Variants in KCNQ1 observed in about 807,000 individuals in gnomAD.
The protein encoded by KCNQ1 is potassium voltage-gated channel subfamily KQT member 1.
In KCNQ1, 49 loss-of-function variants were observed where a neutral mutation model predicts 72.4. That is an observed-to-expected ratio of 0.68 (90% confidence interval 0.54 to 0.86). KCNQ1 has a LOEUF of 0.86. Among genes scored for constraint, KCNQ1 ranks in the 40% least tolerant of loss-of-function variants. KCNQ1 has a pLI of 0.00. For synonymous variants in KCNQ1, 450 were observed against 412.6 expected, an observed-to-expected ratio of 1.09 and a Z score of -1.10; for missense variants, 790 against 945.1, an observed-to-expected ratio of 0.84 and a Z score of 2.15.
intron 11 of KCNQ1, among the ~76,000 whole-genome samples, chr11:2,709,210 C>T (rs1469559270): frequency 6.9e-6 from 1 of 145,628 alleles, no homozygotes; most frequent in Non-Finnish European, 1.5e-5. Flanking sequence ...CTCTCCTGCA[C>T]GGCTTCCAGG....
chr11:2,492,291 C>T lies in KCNQ1; in HGVS notation c.387-35637C>T, dbSNP rs546426265. 2.0e-5 allele frequency among the ~76,000 whole-genome samples: 3 copies of T among 152,138 alleles called. No homozygotes were observed. The highest frequency in any genetic ancestry group is 1.3e-4 in the Admixed American group (2 of 15,292). On this transcript the variant is annotated intron_variant, in intron 1 of 15. Transcript: ENST00000155840. The surrounding 1 kb of genome is among the most constrained non-coding windows in gnomAD (Gnocchi z 4.1). ...AACTTTTGCGGTACAATAGGCAGTA[C>T]AATAAGATATAGAGACAAAAAAACT...
At chr11:2,532,580 G>A (rs968569608) in intron 2 of KCNQ1, among the ~76,000 whole-genome samples, 1 of 152,182 alleles carries the variant, frequency 6.6e-6, no homozygotes, top group East Asian at 1.9e-4. Context: ...CATCAGGGCC[G>A]AGACTGAGGC....
chr11:2,733,526 T>C (rs1397587185), intron 11 of KCNQ1, among the ~76,000 whole-genome samples: 3 of 151,860 alleles, frequency 2.0e-5, no homozygotes, highest in Non-Finnish European at 4.4e-5. Context: ...GTTGCAAAGA[T>C]ACAGGTAGAG....
chr11:2,640,141 C>G (rs572343708), intron 10 of KCNQ1: 1 of 349,860 alleles, frequency 2.9e-6, no homozygotes, highest in East Asian at 4.2e-5. Context: ...AATTCCCTGA[C>G]CCCTTGTGCT....
Position 2,457,826 on chromosome 11 carries a change from A to C in KCNQ1, c.386+12342A>C, listed in dbSNP as rs185948017. 1.9e-3 allele frequency among the ~76,000 whole-genome samples: 292 copies of C among 152,212 alleles called. 2 individuals are homozygous for C. Among genetic ancestry groups the C allele is most frequent in the African/African-American group, 6.4e-3 (266 of 41,516 alleles). Reference sequence around the variant, plus strand: ...TTTTGGCATGGGAGAAAAAAAAAAAAAACAGATGTAAGTTAGAAGAGGTTA... The same window carrying C: ...TTTTGGCATGGGAGAAAAAAAAAAACAACAGATGTAAGTTAGAAGAGGTTA... On this transcript the variant is annotated intron_variant, in intron 1 of 15. Coordinates refer to ENST00000155840, the MANE Select transcript of KCNQ1 (RefSeq NM_000218.3). The surrounding 1 kb of genome is among the most constrained non-coding windows in gnomAD (Gnocchi z 5.0).
rs942860198 is a variant in KCNQ1, at chr11:2,549,250, G to A, written c.477+21232G>A. On this transcript the variant is annotated intron_variant, in intron 2 of 15. Transcript: ENST00000155840. This position sits in a 1 kb window ranked among gnomAD's most constrained non-coding sequence, Gnocchi z 6.2. ...CAGCATCCAGCCAGTGCCACCAGGA[G>A]CCCACTGGTGCCAGGATGCTGGGGT... is the stretch of plus-strand genomic sequence containing the variant. Among the ~76,000 whole-genome samples, 20 of 152,188 alleles carry A rather than the reference G, an allele frequency of 1.3e-4. No homozygotes were observed. The highest frequency in any genetic ancestry group is 4.6e-4 in the African/African-American group (19 of 41,450).
rs1846100704 is a variant in KCNQ1, at chr11:2,450,006, G to A, written c.386+4522G>A. Among the ~76,000 whole-genome samples, 1 of 152,198 alleles carries A rather than the reference G, an allele frequency of 6.6e-6. No individual in the cohort carries two copies. The highest frequency in any genetic ancestry group is 1.5e-5 in the Non-Finnish European group (1 of 68,020). On this transcript the variant is annotated intron_variant, in intron 1 of 15. Transcript: ENST00000155840. This position sits in a 1 kb window ranked among gnomAD's most constrained non-coding sequence, Gnocchi z 7.9. ...GATGGGAATGCCACCGGTCCCTGTA[G>A]CCAAGGTGCAGATGCACACGTCCTG...
At chr11:2,709,874 T>G (rs1850976567) in intron 11 of KCNQ1, among the ~76,000 whole-genome samples, 2 of 152,228 alleles carry the variant, frequency 1.3e-5, no homozygotes, top group South Asian at 4.1e-4. Flanking sequence ...CACATTTTAT[T>G]TATCCATTCA....
rs745706918 is a variant in KCNQ1 at position 2,745,325 on chromosome 11, C to T, written c.1515-23519C>T. Among the ~76,000 whole-genome samples the T allele has an allele frequency of 2.6e-5, 4 of 152,122 alleles. No homozygotes were observed. The highest frequency in any genetic ancestry group is 9.7e-5 in the African/African-American group (4 of 41,414). On this transcript the variant is annotated intron_variant, in intron 11 of 15. Transcript: ENST00000155840. The surrounding 1 kb of genome is among the most constrained non-coding windows in gnomAD (Gnocchi z 6.2). ...TCAGGCCCTCTTGGACCTCTGTTGCCATCTTTTCCTGAAAGGGCTGGTGGG... is the reference window on the plus strand; with the variant it reads ...TCAGGCCCTCTTGGACCTCTGTTGCTATCTTTTCCTGAAAGGGCTGGTGGG...
rs532036789 is a variant in KCNQ1 at position 2,746,953 on chromosome 11, G to A, written c.1515-21891G>A. On this transcript the variant is annotated intron_variant, in intron 11 of 15. Coordinates refer to ENST00000155840, the MANE Select transcript of KCNQ1 (RefSeq NM_000218.3). The surrounding 1 kb of genome is among the most constrained non-coding windows in gnomAD (Gnocchi z 5.9). ...ATCAAAGCCATGGCCCCCATTCCCC[G>A]GGGATAGGGAAGCTGTGCAGGCAGC... Among the ~76,000 whole-genome samples, 6 of 152,162 alleles carry A rather than the reference G, an allele frequency of 3.9e-5. No individual in the cohort carries two copies. Among genetic ancestry groups the A allele is most frequent in the Non-Finnish European group, 8.8e-5 (6 of 68,036 alleles).
At chr11:2,675,640 T>C (rs542200399) in intron 11 of KCNQ1, 59 of 398,650 alleles carry the variant, frequency 1.5e-4, no homozygotes, top group African/African-American at 3.7e-4. Context: ...TAGAGGGTGG[T>C]TGGGCTCTCT....
In KCNQ1 at chr11:2,547,563, A is replaced by G. The variant is rs577953817; in HGVS notation, c.477+19545A>G. 5.3e-5 allele frequency among the ~76,000 whole-genome samples: 8 copies of G among 152,262 alleles called. No individual in the cohort carries two copies. Among genetic ancestry groups the G allele is most frequent in the Non-Finnish European group, 7.3e-5 (5 of 68,028 alleles). ...TTTTTGTCCTAATAGTTACCTTTAT[A>G]CATATGCCTTTCAAAGTTTCCTTGG... On this transcript the variant is annotated intron_variant, in intron 2 of 15. Coordinates refer to ENST00000155840, the MANE Select transcript of KCNQ1 (RefSeq NM_000218.3). This position sits in a 1 kb window ranked among gnomAD's most constrained non-coding sequence, Gnocchi z 4.2.
chr11:2,518,499 C>T (rs1320816671), intron 1 of KCNQ1, among the ~76,000 whole-genome samples: 5 of 152,142 alleles, frequency 3.3e-5, no homozygotes, highest in African/African-American at 7.2e-5. Context: ...TGGACCCAGC[C>T]GAAAGCTGGC....
At chr11:2,521,369 G>C in intron 1 of KCNQ1, 2 of 377,460 alleles carry the variant, frequency 5.3e-6, no homozygotes, top group Non-Finnish European at 1.1e-5. Context: ...GACTGGCACT[G>C]TGTGTTATCC....
intron 2 of KCNQ1, among the ~76,000 whole-genome samples, chr11:2,533,027 C>T (rs182774945): frequency 2.7e-3 from 414 of 152,066 alleles, no homozygotes; most frequent in African/African-American, 9.5e-3. Context: ...GCGCGGGGAG[C>T]CCAAACCACA....
intron 2 of KCNQ1, among the ~76,000 whole-genome samples, chr11:2,535,796 T>C (rs948709422): frequency 1.3e-5 from 2 of 152,316 alleles, no homozygotes; most frequent in East Asian, 3.9e-4. Flanking sequence ...CTGAGGCCGC[T>C]TTGCTGGGCG....
At position 2,471,821 on chromosome 11, in the gene KCNQ1, T is replaced by A. The variant is rs1321577324; in HGVS notation, c.386+26337T>A. Among the ~76,000 whole-genome samples, 1 of 152,098 alleles carries A rather than the reference T, an allele frequency of 6.6e-6. No homozygotes were observed. Among genetic ancestry groups the A allele is most frequent in the African/African-American group, 2.4e-5 (1 of 41,394 alleles). ...GTGTATATAGGTGTGTGTGCACGTG[T>A]ATGGGTGCGTGTGCACCTATGTGTG... is the stretch of plus-strand genomic sequence containing the variant. On this transcript the variant is annotated intron_variant, in intron 1 of 15. Coordinates refer to ENST00000155840, the MANE Select transcript of KCNQ1 (RefSeq NM_000218.3). This position sits in a 1 kb window ranked among gnomAD's most constrained non-coding sequence, Gnocchi z 4.8.
chr11:2,500,233 CA>C (rs1219657221), intron 1 of KCNQ1, among the ~76,000 whole-genome samples: 1 of 151,680 alleles, frequency 6.6e-6, no homozygotes, highest in African/African-American at 2.4e-5. Flanking sequence ...AGACACTTCT[CA>C]AAAAAAAGAC....
At chr11:2,576,555 T>C (rs1260962362) in intron 6 of KCNQ1, among the ~76,000 whole-genome samples, 2 of 152,174 alleles carry the variant, frequency 1.3e-5, no homozygotes, top group Admixed American at 1.3e-4. Flanking sequence ...AATTTAGAAT[T>C]GAAAGTAAAG....
Sources: allele counts gnomAD v4.1 joint callset (sites outside exome capture counted in the v4.1 genomes callset), GRCh38; gene constraint gnomAD v4.1.1; non-coding constraint Gnocchi (gnomAD v3.1); transcripts MANE v1.5; gene names NCBI Gene and HGNC (gene_info 2026-07-23, HGNC 2026-07-21).